SLC25A21: variants seen among roughly 807,000 people sequenced by gnomAD.
SLC25A21 encodes mitochondrial 2-oxodicarboxylate carrier.
A neutral mutation model predicts 43.8 loss-of-function variants in SLC25A21; 47 were observed. The ratio of observed to expected loss-of-function variants is 1.07; its 90% CI spans 0.85 to 1.37. The LOEUF (loss-of-function observed/expected upper bound fraction) is 1.37. SLC25A21 is among the 40% of genes most tolerant of loss of function. SLC25A21 has a pLI of 0.00. For missense variants in SLC25A21, 352 were observed against 350.2 expected, an observed-to-expected ratio of 1.00 and a Z score of -0.04; for synonymous variants, 131 against 121.3, an observed-to-expected ratio of 1.08 and a Z score of -0.52.
At chr14:36,751,005 G>A (rs147866267) in intron 3 of SLC25A21, among the ~76,000 whole-genome samples, 10 of 152,250 alleles carry the variant, frequency 6.6e-5, no homozygotes, top group East Asian at 5.8e-4. Context: ...TCATACCCCC[G>A]AAGATGGGCG....
intron 1 of SLC25A21, among the ~76,000 whole-genome samples, chr14:37,051,520 T>A (rs1681022461): frequency 6.6e-6 from 1 of 152,228 alleles, no homozygotes; most frequent in South Asian, 2.1e-4. Flanking sequence ...TTCTTACCTA[T>A]TCAATCAGAA....
intron 1 of SLC25A21, among the ~76,000 whole-genome samples, chr14:37,096,761 T>C (rs1199386064): frequency 6.6e-6 from 1 of 152,196 alleles, no homozygotes; most frequent in African/African-American, 2.4e-5. Flanking sequence ...GAATTTTGAA[T>C]TCATTTTCTG....
At chr14:37,056,352 A>T (rs1159970528) in intron 1 of SLC25A21, among the ~76,000 whole-genome samples, 2 of 151,718 alleles carry the variant, frequency 1.3e-5, no homozygotes, top group Non-Finnish European at 2.9e-5. Flanking sequence ...TAGCCAGGCG[A>T]GGTGGCGGGC....
At chr14:37,061,867 G>A (rs1961955125) in intron 1 of SLC25A21, among the ~76,000 whole-genome samples, 1 of 152,168 alleles carries the variant, frequency 6.6e-6, no homozygotes, top group African/African-American at 2.4e-5. Flanking sequence ...ATTTCCTTCT[G>A]GGAAATGCTC....
chr14:36,759,896 A>T (rs1489451172), intron 3 of SLC25A21, among the ~76,000 whole-genome samples: 1 of 152,148 alleles, frequency 6.6e-6, no homozygotes, highest in African/African-American at 2.4e-5. Context: ...TGAACCCAGG[A>T]GGCGGAGATT....
At chr14:37,043,008 A>C (rs1393048566) in intron 1 of SLC25A21, among the ~76,000 whole-genome samples, 1 of 152,134 alleles carries the variant, frequency 6.6e-6, no homozygotes, top group African/African-American at 2.4e-5. Context: ...CTTCCTTTCC[A>C]ATTGATTATT....
chr14:36,762,513 A>G (rs1277421090), intron 3 of SLC25A21, among the ~76,000 whole-genome samples: 2 of 152,248 alleles, frequency 1.3e-5, no homozygotes, highest in African/African-American at 4.8e-5. Flanking sequence ...AGTGTGTGAC[A>G]GCACAATCAT....
intron 1 of SLC25A21, among the ~76,000 whole-genome samples, chr14:37,085,238 G>A (rs1402446407): frequency 6.6e-6 from 1 of 151,986 alleles, no homozygotes; most frequent in African/African-American, 2.4e-5. Flanking sequence ...AACACGCCAC[G>A]CTCGTTGGAT....
intron 2 of SLC25A21, among the ~76,000 whole-genome samples, chr14:36,815,363 C>T (rs565767152): frequency 6.6e-6 from 1 of 151,978 alleles, no homozygotes; most frequent in South Asian, 2.1e-4. Flanking sequence ...GCTAATAGGG[C>T]CTAATATTAA....
chr14:36,971,641 G>A (rs540502351), intron 1 of SLC25A21, among the ~76,000 whole-genome samples: 1 of 152,052 alleles, frequency 6.6e-6, no homozygotes, highest in African/African-American at 2.4e-5. Flanking sequence ...AAGAGAGAGA[G>A]AGCTGCTCTC....
intron 1 of SLC25A21, among the ~76,000 whole-genome samples, chr14:37,058,667 T>C (rs1303009191): frequency 6.6e-6 from 1 of 152,222 alleles, no homozygotes; most frequent in African/African-American, 2.4e-5. Context: ...ACATATATTG[T>C]TACAATATCT....
intron 1 of SLC25A21, among the ~76,000 whole-genome samples, chr14:37,043,526 C>G (rs1961518814): frequency 6.6e-6 from 1 of 152,106 alleles, no homozygotes; most frequent in South Asian, 2.1e-4. Flanking sequence ...ATTCTGCCAC[C>G]CTCTTAAACT....
Position 36,770,673 on chromosome 14 carries a change from G to C in SLC25A21, c.204-36100C>G, listed in dbSNP as rs184940500. ...AAACGTTAGACATCAGGCTCTTGGT[G>C]AGGCATATAATCCCCTATTACAACT... On this transcript the variant is annotated intron_variant, in intron 3 of 9. Coordinates refer to ENST00000331299, the MANE Select transcript of SLC25A21 (RefSeq NM_030631.4). Among the ~76,000 whole-genome samples, 91 of 152,234 alleles carry C rather than the reference G, an allele frequency of 6.0e-4. 1 individual carries two copies. Among genetic ancestry groups the C allele is most frequent in the African/African-American group, 2.2e-3 (90 of 41,536 alleles).
chr14:36,702,962 G>T (rs1883346734), intron 7 of SLC25A21, among the ~76,000 whole-genome samples: 1 of 152,142 alleles, frequency 6.6e-6, no homozygotes, highest in Non-Finnish European at 1.5e-5. Context: ...TGTGCAAACT[G>T]CCAATGAAAG....
chr14:36,688,861 GAA>G (rs1882667142), intron 7 of SLC25A21, among the ~76,000 whole-genome samples: 1 of 152,206 alleles, frequency 6.6e-6, no homozygotes, highest in African/African-American at 2.4e-5. Flanking sequence ...TGAGTTAACT[GAA>G]AGGTTAAGTA....
At chr14:37,129,348 C>G (rs1033838258) in intron 1 of SLC25A21, among the ~76,000 whole-genome samples, 8 of 152,120 alleles carry the variant, frequency 5.3e-5, no homozygotes, top group African/African-American at 1.9e-4. Context: ...CGATATTGTC[C>G]TTTCTGTTGG....
chr14:36,930,065 C>A (rs1447489560), intron 1 of SLC25A21, among the ~76,000 whole-genome samples: 1 of 152,142 alleles, frequency 6.6e-6, no homozygotes, highest in Non-Finnish European at 1.5e-5. Flanking sequence ...AGCTGTCCAG[C>A]CAGTCATTGC....
intron 1 of SLC25A21, among the ~76,000 whole-genome samples, chr14:37,008,985 G>T (rs184144751): frequency 6.6e-6 from 1 of 152,250 alleles, no homozygotes; most frequent in African/African-American, 2.4e-5. Flanking sequence ...GAAAGTGCAT[G>T]GGAATAAATT....
chr14:36,965,516 TA>T (rs1239824227), intron 1 of SLC25A21, among the ~76,000 whole-genome samples: 2 of 152,184 alleles, frequency 1.3e-5, no homozygotes, highest in African/African-American at 4.8e-5. Context: ...TTATAGTTTC[TA>T]ACATTCCAAT....
Sources: allele counts gnomAD v4.1 joint callset (sites outside exome capture counted in the v4.1 genomes callset), GRCh38; gene constraint gnomAD v4.1.1; transcripts MANE v1.5; gene names NCBI Gene and HGNC (gene_info 2026-07-23, HGNC 2026-07-21).